Variants in TMEM248 observed in about 807,000 individuals in gnomAD.
TMEM248 encodes the protein UPF0458 protein C7orf42.
A neutral mutation model predicts 30.3 loss-of-function variants in TMEM248; 9 were observed. The ratio of observed to expected loss-of-function variants is 0.30; its 90% CI spans 0.18 to 0.52. The LOEUF (loss-of-function observed/expected upper bound fraction) is 0.52. Among genes scored for constraint, TMEM248 ranks in the 20% least tolerant of loss-of-function variants. The probability of loss-of-function intolerance (pLI) is 0.97; values close to 1 mark genes in which losing one functional copy is unlikely to be tolerated. For missense variants in TMEM248, 338 were observed against 403.3 expected (o/e 0.84, Z 1.39); for synonymous variants, 184 against 154.4 (o/e 1.19, Z -1.42).
At position 66,950,984 on chromosome 7, in the gene TMEM248, G is replaced by A. The variant is rs768296363; in HGVS notation, c.629G>A (p.Ser210Asn). 7 of 1,607,082 alleles carry A rather than the reference G, an allele frequency of 4.4e-6. No homozygotes were observed. Among genetic ancestry groups the A allele is most frequent in the South Asian group, 1.1e-5 (1 of 89,978 alleles). The part of the protein sequence containing the change: ...QPPHCVPDTY[S>N]NATLWYKIFT... ...CCGCACTGTGTTCCTGACACGTACA[G>A]CAACGCCACGCTCTGGTACAAGATC... The change falls in exon 5 of 7, where the codon AGC becomes AAC. Residue 210 changes from serine to asparagine, a missense_variant. Coordinates refer to ENST00000341567, the MANE Select transcript of TMEM248 (RefSeq NM_017994.5).
At chr7:66,925,934 C>G (rs1238743166) in intron 1 of TMEM248, among the ~76,000 whole-genome samples, 1 of 152,078 alleles carries the variant, frequency 6.6e-6, no homozygotes, top group African/African-American at 2.4e-5. Context: ...AGCCACCACG[C>G]CCGGCCTATT....
intron 1 of TMEM248, among the ~76,000 whole-genome samples, chr7:66,936,254 T>C (rs1351787387): frequency 6.6e-6 from 1 of 152,206 alleles, no homozygotes; most frequent in East Asian, 1.9e-4. Flanking sequence ...TTTTTGAGGG[T>C]TTGTATCATG....
Position 66,955,627 on chromosome 7 carries a change from T to C in TMEM248, c.*105T>C, listed in dbSNP as rs1407440836. The C allele has an allele frequency of 9.5e-6, 13 of 1,372,964 alleles. No individual in the cohort carries two copies. The highest frequency in any genetic ancestry group is 1.2e-5 in the South Asian group (1 of 80,400). The allele number at this position is 1,372,964 out of a possible 1,614,324, so 85.0% of individuals were successfully genotyped here. On this transcript the variant is annotated 3_prime_UTR_variant, in exon 7 of 7. Transcript: ENST00000341567. ...TCTGTGAATACATTATCTTGCGATG[T>C]TGGGTTATTCCAGCCAAAGACATTT...
rs575272847 is a variant in TMEM248, at chr7:66,928,775, A to T, written c.-19+7314A>T. Among the ~76,000 whole-genome samples the T allele has an allele frequency of 6.9e-4, 104 of 150,672 alleles. 1 individual carries two copies. The Middle Eastern group carries it at 0.01, about 15-fold the overall frequency. On this transcript the variant is annotated intron_variant, in intron 1 of 6. Transcript: ENST00000341567. Reference sequence around the variant, plus strand: ...TTTGATGGGATTGACTCTTAAAAAAATTTTTTTTTTCCTTTTTATTTTCAT... The same window carrying T: ...TTTGATGGGATTGACTCTTAAAAAATTTTTTTTTTTCCTTTTTATTTTCAT...
At chr7:66,935,080 A>C (rs1019937674) in intron 1 of TMEM248, among the ~76,000 whole-genome samples, 85 of 152,114 alleles carry the variant, frequency 5.6e-4, no homozygotes, top group African/African-American at 2.0e-3. Flanking sequence ...AACAAAAATA[A>C]GTTTTTGTTC....
intron 4 of TMEM248, 139 bp downstream of exon 4, chr7:66,948,833 A>G (rs1385570572): frequency 1.1e-6 from 1 of 909,284 alleles, no homozygotes. Flanking sequence ...GGACCTATCT[A>G]AAGGATTATT....
At chr7:66,947,648 C>T (rs1032973992) in intron 3 of TMEM248, among the ~76,000 whole-genome samples, 7 of 152,114 alleles carry the variant, frequency 4.6e-5, no homozygotes, top group African/African-American at 7.2e-5. Flanking sequence ...ATGATCCGCC[C>T]GCCTCAGCCT....
At chr7:66,946,205 T>G (rs1401358133) in intron 3 of TMEM248, among the ~76,000 whole-genome samples, 1 of 150,914 alleles carries the variant, frequency 6.6e-6, no homozygotes, top group African/African-American at 2.4e-5. Flanking sequence ...GAGGTTGCGG[T>G]GAGCCGAGAT....
intron 4 of TMEM248, among the ~76,000 whole-genome samples, chr7:66,949,606 T>TAAAC (rs137942133): frequency 0.98 from 150,003 of 152,310 alleles, 73,889 homozygotes; most frequent in East Asian, 1. Flanking sequence ...TATTTTCTGT[T>TAAAC]AATTAACTAA....
intron 1 of TMEM248, among the ~76,000 whole-genome samples, chr7:66,941,000 A>T (rs1791933668): frequency 1.3e-5 from 2 of 152,328 alleles, no homozygotes; most frequent in Non-Finnish European, 1.5e-5. Context: ...TTGCAATCCC[A>T]GAACTTTGGG....
At chr7:66,925,173 A>G (rs1327139612) in intron 1 of TMEM248, among the ~76,000 whole-genome samples, 1 of 151,698 alleles carries the variant, frequency 6.6e-6, no homozygotes, top group Non-Finnish European at 1.5e-5. Context: ...GATGTACACC[A>G]CCACACCTGG....
rs937603057 is a variant in TMEM248 at position 66,953,465 on chromosome 7, C to G, written c.924+96C>G. 1.6e-5 allele frequency: 23 copies of G among 1,481,912 alleles called. No individual in the cohort carries two copies. In the African/African-American group the frequency reaches 2.1e-4, roughly 14 times the overall value. 91.8% of individuals were successfully genotyped at this position (1,481,912 alleles called of 1,614,324 possible). On this transcript the variant is annotated intron_variant, in intron 6 of 6. Coordinates refer to ENST00000341567, the MANE Select transcript of TMEM248 (RefSeq NM_017994.5). ...TTATTCTATTTATTGTGGGTGGCAC[C>G]TTTCGTCTAAAGAAATGACAGTCAT...
intron 1 of TMEM248, among the ~76,000 whole-genome samples, chr7:66,923,712 G>A (rs961604521): frequency 2.0e-5 from 3 of 152,120 alleles, no homozygotes; most frequent in African/African-American, 7.2e-5. Flanking sequence ...ATGGAGTCTT[G>A]CTCTGTTGCC....
At chr7:66,944,198 A>G (rs1038618584) in intron 2 of TMEM248, among the ~76,000 whole-genome samples, 20 of 142,398 alleles carry the variant, frequency 1.4e-4, no homozygotes, top group South Asian at 6.6e-4. Context: ...TCCACCTCCC[A>G]GGTTCAAGCG....
Position 66,955,066 on chromosome 7 carries a change from C to T in TMEM248, c.925-436C>T, listed in dbSNP as rs115805090. Among the ~76,000 whole-genome samples, 900 of 152,282 alleles carry T rather than the reference C, an allele frequency of 5.9e-3. 4 individuals are homozygous for T. Among genetic ancestry groups the T allele is most frequent in the African/African-American group, 0.021 (864 of 41,552 alleles). The stretch of plus-strand genomic sequence containing the variant: ...TCACTTGAGCCCACGAGTTCAAGAC[C>T]AGCCTGGGCAACATAGTGAGAACCC... On this transcript the variant is annotated intron_variant, in intron 6 of 6. Transcript: ENST00000341567.
At chr7:66,950,252 C>T (rs1792225933) in intron 4 of TMEM248, among the ~76,000 whole-genome samples, 1 of 151,934 alleles carries the variant, frequency 6.6e-6, no homozygotes. Flanking sequence ...TTGGCTGTCT[C>T]CCCACCCAAA....
At chr7:66,953,491 C>T in intron 6 of TMEM248, 122 bp downstream of exon 6, 1 of 1,314,860 alleles carries the variant, frequency 7.6e-7, no homozygotes, top group Non-Finnish European at 1.0e-6. Flanking sequence ...TGACAGTCAT[C>T]CCTTGGTATC....
intron 1 of TMEM248, among the ~76,000 whole-genome samples, chr7:66,923,741 C>T (rs532013795): frequency 1.1e-3 from 169 of 152,236 alleles, no homozygotes; most frequent in African/African-American, 3.6e-3. Flanking sequence ...AGTGCAGTGA[C>T]GCAGTCGGCA....
chr7:66,931,297 C>CAAAAA (rs758131446), intron 1 of TMEM248, among the ~76,000 whole-genome samples: 163 of 63,348 alleles, frequency 2.6e-3, no homozygotes, highest in Middle Eastern at 7.2e-3. Context: ...GACAATATCT[C>CAAAAA]AAAAAAAAAA....
Sources: allele counts gnomAD v4.1 joint callset (sites outside exome capture counted in the v4.1 genomes callset), GRCh38; gene constraint gnomAD v4.1.1; transcripts MANE v1.5; gene names NCBI Gene and HGNC (gene_info 2026-07-23, HGNC 2026-07-21).